The following DIP2C variants were observed in gnomAD, a reference collection of about 807,000 sequenced individuals.
DIP2C encodes the protein DIP2 acetate--CoA ligase C (putative).
In DIP2C, 33 loss-of-function variants were observed where a neutral mutation model predicts 192.4. The ratio of observed to expected loss-of-function variants is 0.17; its 90% CI spans 0.13 to 0.23. DIP2C has a LOEUF of 0.23. Ranked by LOEUF, DIP2C falls within the 10% of genes least tolerant of loss-of-function variation. The pLI is 1.00. For synonymous variants in DIP2C, 979 were observed against 864.1 expected (o/e 1.13, Z -2.33); for missense variants, 1,537 against 2,110.1 (o/e 0.73, Z 5.32).
At chr10:613,826 G>A (rs369971616) in intron 1 of DIP2C, among the ~76,000 whole-genome samples, 90 of 150,246 alleles carry the variant, frequency 6.0e-4, no homozygotes, top group Admixed American at 1.7e-3. Flanking sequence ...GAAACATGGC[G>A]TTTCCACACA....
intron 2 of DIP2C, among the ~76,000 whole-genome samples, chr10:474,356 C>G (rs895903859): frequency 2.0e-5 from 3 of 152,208 alleles, no homozygotes; most frequent in African/African-American, 7.2e-5. Context: ...CTATTTTCCA[C>G]TATCTTGGCT....
intron 1 of DIP2C, among the ~76,000 whole-genome samples, chr10:623,411 T>G (rs1342194040): frequency 2.1e-5 from 3 of 143,538 alleles, no homozygotes; most frequent in Non-Finnish European, 4.5e-5. Flanking sequence ...TAGGTTTTCA[T>G]GAGGACGGGT....
chr10:414,731 GTGTGTGTGTACA>G (rs1439191986), intron 7 of DIP2C, among the ~76,000 whole-genome samples: 3 of 63,866 alleles, frequency 4.7e-5, no homozygotes, highest in African/African-American at 1.7e-4. Context: ...GTGTGTGTGT[GTGTGTGTGTACA>G]TATATATATA....
At chr10:541,965 T>C (rs78805973) in intron 1 of DIP2C, among the ~76,000 whole-genome samples, 16,888 of 152,234 alleles carry the variant, frequency 0.11, 1,277 homozygotes, top group African/African-American at 0.21. Flanking sequence ...CAGGGGCCTC[T>C]GGGCCGCGTG....
chr10:327,949 C>T (rs1014170934), intron 30 of DIP2C, among the ~76,000 whole-genome samples: 5 of 152,092 alleles, frequency 3.3e-5, no homozygotes, highest in Non-Finnish European at 7.4e-5. Context: ...CTACCTGGGC[C>T]GAGCAGAGGG....
intron 3 of DIP2C, among the ~76,000 whole-genome samples, chr10:462,969 C>T (rs756030454): frequency 1.3e-5 from 2 of 152,136 alleles, no homozygotes; most frequent in Non-Finnish European, 2.9e-5. Context: ...TTCAGCATCC[C>T]TTCATGCTAA....
At chr10:459,567 A>G (rs1421312712) in intron 3 of DIP2C, among the ~76,000 whole-genome samples, 1 of 152,060 alleles carries the variant, frequency 6.6e-6, no homozygotes, top group African/African-American at 2.4e-5. Context: ...TCTCAGTCAC[A>G]TCAGGGAACC....
At chr10:640,754 G>C (rs569195151) in intron 1 of DIP2C, among the ~76,000 whole-genome samples, 30 of 140,448 alleles carry the variant, frequency 2.1e-4, no homozygotes, top group African/African-American at 7.0e-4. Flanking sequence ...GAAGAGGGTG[G>C]GCGCCGGGAA....
At chr10:321,537 T>TCCAGTGAGAGA (rs1564551201) in intron 31 of DIP2C, among the ~76,000 whole-genome samples, 32 of 108,510 alleles carry the variant, frequency 2.9e-4, no homozygotes, top group Non-Finnish European at 4.7e-4. Flanking sequence ...CTGCGGGGGC[T>TCCAGTGAGAGA]CCAGCGAGAG....
At chr10:383,940 A>G in intron 16 of DIP2C, 87 bp downstream of exon 16, 2 of 1,397,360 alleles carry the variant, frequency 1.4e-6, no homozygotes, top group Non-Finnish European at 1.9e-6. Context: ...AATAAAAAAG[A>G]CTTCACAGCC....
chr10:568,906 G>A (rs1326587992), intron 1 of DIP2C, among the ~76,000 whole-genome samples: 2 of 148,218 alleles, frequency 1.3e-5, no homozygotes, highest in Non-Finnish European at 3.0e-5. Flanking sequence ...AATCAAAAAT[G>A]CCAAGGCACG....
At chr10:429,544 C>G (rs1427353013) in intron 4 of DIP2C, among the ~76,000 whole-genome samples, 2 of 114,354 alleles carry the variant, frequency 1.7e-5, no homozygotes, top group Non-Finnish European at 3.5e-5. Flanking sequence ...CCCACAGACC[C>G]TGGCTGCCTC....
At chr10:596,616 C>T (rs370280995) in intron 1 of DIP2C, among the ~76,000 whole-genome samples, 2 of 151,192 alleles carry the variant, frequency 1.3e-5, no homozygotes, top group South Asian at 4.2e-4. Flanking sequence ...TCACAGGAGA[C>T]GTAGGTGAAT....
chr10:512,471 G>T (rs569778582), intron 1 of DIP2C, among the ~76,000 whole-genome samples: 4 of 152,224 alleles, frequency 2.6e-5, no homozygotes, highest in African/African-American at 9.6e-5. Context: ...GCTACTCAGG[G>T]TGCTGAGGTG....
chr10:343,643 T>C (rs1382065860), intron 28 of DIP2C, among the ~76,000 whole-genome samples: 2 of 152,324 alleles, frequency 1.3e-5, no homozygotes, highest in East Asian at 3.9e-4. Flanking sequence ...TTATACAACA[T>C]CCATCCAGAC....
At chr10:398,961 G>T in intron 10 of DIP2C, 148 bp downstream of exon 10, 1 of 648,264 alleles carries the variant, frequency 1.5e-6, no homozygotes, top group Non-Finnish European at 2.7e-6. Context: ...AGGCTGCAGG[G>T]CCCACTAGCG....
rs539171007 is a variant in DIP2C, at chr10:327,158, A to T, written c.3772T>A (p.Ser1258Thr). 6.2e-7 allele frequency: 1 copy of T among 1,613,996 alleles called. No individual in the cohort carries two copies. The highest frequency in any genetic ancestry group is 1.1e-5 in the South Asian group (1 of 91,082). ...ACAACCACGCAGGTCCTCACTCGGG[A>T]CAAGTCCAGCCCTCGCGCCTGGAGA... ...ESLKARGLDL[S>T]RVRTCVVVAE... Residue 1258 changes from serine to threonine, a missense_variant, in exon 31 of 37, where the codon TCC (serine) becomes ACC (threonine). Transcript: ENST00000280886.
intron 1 of DIP2C, among the ~76,000 whole-genome samples, chr10:565,354 T>TAAAATAAAAAAAAAAAAAA (rs376030794): frequency 4.4e-5 from 5 of 114,134 alleles, no homozygotes; most frequent in African/African-American, 1.9e-4. Flanking sequence ...ACCTGCATTC[T>TAAAATAAAAAAAAAAAAAA]AAAAAAAAAA....
intron 1 of DIP2C, among the ~76,000 whole-genome samples, chr10:676,451 T>C (rs1830880255): frequency 6.7e-6 from 1 of 150,046 alleles, no homozygotes; most frequent in Non-Finnish European, 1.5e-5. Context: ...GCACCCAAAG[T>C]GGAAAGGAGG....
Sources: gnomAD v4.1 joint callset for allele counts (sites outside exome capture counted in the v4.1 genomes callset) on GRCh38, gnomAD v4.1.1 for gene constraint, MANE v1.5 for transcripts, NCBI Gene and HGNC (gene_info 2026-07-23, HGNC 2026-07-21) for gene names.